The following BRINP2 variants were observed in gnomAD, a reference collection of about 807,000 sequenced individuals.
BRINP2 encodes BMP/retinoic acid inducible neural specific 2.
Under a neutral mutation model 69.2 loss-of-function variants are expected in BRINP2, and 21 were observed. The observed-to-expected ratio is 0.30, with a 90% confidence interval of 0.22 to 0.44. The LOEUF is 0.44. BRINP2 is among the 20% of genes least tolerant of loss of function. The pLI, the probability that BRINP2 is intolerant of heterozygous loss-of-function variation, is 1.00. For missense variants in BRINP2, 877 were observed against 986.0 expected (o/e 0.89, Z 1.48); for synonymous variants, 380 against 394.1 (o/e 0.96, Z 0.42).
chr1:177,266,831 G>C (rs767750795), intron 4 of BRINP2, among the ~76,000 whole-genome samples: 1 of 151,238 alleles, frequency 6.6e-6, no homozygotes, highest in South Asian at 2.1e-4. Context: ...AACTCCCAAG[G>C]TAGTCAAATG....
chr1:177,274,621 A>G (rs912125584), intron 5 of BRINP2, among the ~76,000 whole-genome samples: 4 of 152,154 alleles, frequency 2.6e-5, no homozygotes, highest in African/African-American at 9.7e-5. Context: ...GTTCATTTGG[A>G]ATAGTTTATG....
chr1:177,243,657 A>G (rs1650281124), intron 2 of BRINP2, among the ~76,000 whole-genome samples: 1 of 152,246 alleles, frequency 6.6e-6, no homozygotes, highest in African/African-American at 2.4e-5. Flanking sequence ...AGACAGTATT[A>G]GTCAAAATAG....
chr1:177,252,414 C>A (rs1650611270), intron 2 of BRINP2, among the ~76,000 whole-genome samples: 1 of 151,986 alleles, frequency 6.6e-6, no homozygotes, highest in Non-Finnish European at 1.5e-5. Context: ...TTTATTTATT[C>A]ATGTATTTAT....
chr1:177,214,576 C>T (rs959518598), intron 1 of BRINP2, among the ~76,000 whole-genome samples: 3 of 152,126 alleles, frequency 2.0e-5, no homozygotes, highest in African/African-American at 7.2e-5. Flanking sequence ...ATGCCAAGTA[C>T]CCTTCATTTG....
chr1:177,177,294 AAACAACAACAACAAC>A (rs149219703), intron 1 of BRINP2, among the ~76,000 whole-genome samples: 3 of 151,184 alleles, frequency 2.0e-5, no homozygotes, highest in Non-Finnish European at 4.4e-5. Context: ...ACAAACAAAC[AAACAACAACAACAAC>A]AACAACAACA....
chr1:177,217,568 A>G (rs1192318678), intron 1 of BRINP2, among the ~76,000 whole-genome samples: 2 of 152,128 alleles, frequency 1.3e-5, no homozygotes, highest in East Asian at 1.9e-4. Flanking sequence ...AGTCTTTATA[A>G]TCCTTGTATC....
chr1:177,271,301 G>C (rs1261450281), intron 4 of BRINP2, among the ~76,000 whole-genome samples: 2 of 152,198 alleles, frequency 1.3e-5, no homozygotes, highest in Admixed American at 6.5e-5. Flanking sequence ...TCTGAAGTCA[G>C]TACAATTTGT....
At chr1:177,248,860 A>G (rs763503388) in intron 2 of BRINP2, among the ~76,000 whole-genome samples, 1 of 152,162 alleles carries the variant, frequency 6.6e-6, no homozygotes, top group South Asian at 2.1e-4. Context: ...GTAGCCATTT[A>G]GTATTCTCAT....
At chr1:177,237,879 T>G (rs906125181) in intron 2 of BRINP2, among the ~76,000 whole-genome samples, 1 of 152,168 alleles carries the variant, frequency 6.6e-6, no homozygotes, top group African/African-American at 2.4e-5. Context: ...ATGGTCTTTT[T>G]TTCTCTCTCT....
chr1:177,182,192 C>T (rs900225005), intron 1 of BRINP2, among the ~76,000 whole-genome samples: 5 of 149,888 alleles, frequency 3.3e-5, no homozygotes, highest in African/African-American at 1.2e-4. Flanking sequence ...CTCACTCAGC[C>T]CCTGCAGCAA....
At chr1:177,181,011 C>G (rs1011379644) in intron 1 of BRINP2, among the ~76,000 whole-genome samples, 1 of 152,086 alleles carries the variant, frequency 6.6e-6, no homozygotes, top group Non-Finnish European at 1.5e-5. Context: ...AGAGTATGCA[C>G]TGTAAGATCT....
chr1:177,248,326 C>T (rs1446934446), intron 2 of BRINP2, among the ~76,000 whole-genome samples: 1 of 151,968 alleles, frequency 6.6e-6, no homozygotes, highest in Non-Finnish European at 1.5e-5. Flanking sequence ...CTTTGAGAAT[C>T]ATGTTGATGC....
chr1:177,191,796 C>G (rs11805486), intron 1 of BRINP2, among the ~76,000 whole-genome samples: 4,447 of 152,284 alleles, frequency 0.029, 91 homozygotes, highest in Non-Finnish European at 0.044. Context: ...ATTCATGTGT[C>G]TTTCACCTCG....
rs147592131 is a variant in BRINP2 at position 177,280,979 on chromosome 1, G to C, written c.1803G>C (p.Trp601Cys). The change falls in exon 8 of 8, where the codon TGG (tryptophan) becomes TGC (cysteine). Residue 601 changes from tryptophan (W) to cysteine (C), a missense_variant. Physicochemically the swap from Trp to Cys is radical, Grantham distance 215. Coordinates refer to ENST00000361539, the MANE Select transcript of BRINP2 (RefSeq NM_021165.4). Reference sequence around the variant, plus strand: ...TTGGGGGCAGCCACTCTGAGAGCTGGTTCATGCCTGTGAATGAGGGCAGCT... The same window carrying C: ...TTGGGGGCAGCCACTCTGAGAGCTGCTTCATGCCTGTGAATGAGGGCAGCT... ...NPFGGSHSES[W>C]FMPVNEGSFP... The C allele has an allele frequency of 6.2e-7, 1 of 1,614,080 alleles. No individual in the cohort carries two copies. Among genetic ancestry groups the C allele is most frequent in the African/African-American group, 1.3e-5 (1 of 74,930 alleles).
chr1:177,248,468 TGTGCGTGTGTGTGTGTGTGTGC>T (rs1650463384), intron 2 of BRINP2, among the ~76,000 whole-genome samples: 2 of 150,594 alleles, frequency 1.3e-5, no homozygotes, highest in South Asian at 2.1e-4. Context: ...TGCGTGTGTG[TGTGCGTGTGTGTGTGTGTGTGC>T]GTGCGTGTGT....
intron 7 of BRINP2, 128 bp from the exon 8 acceptor site, chr1:177,280,284 G>T: frequency 1.0e-6 from 1 of 994,582 alleles, no homozygotes; most frequent in East Asian, 2.4e-5. Flanking sequence ...CTGCCACTCA[G>T]AGATCTTGGG....
At chr1:177,197,845 T>A (rs984569614) in intron 1 of BRINP2, among the ~76,000 whole-genome samples, 2 of 152,116 alleles carry the variant, frequency 1.3e-5, no homozygotes, top group Non-Finnish European at 2.9e-5. Flanking sequence ...TATGAGGATG[T>A]GACAAGAATG....
At chr1:177,242,893 TA>T (rs1650251400) in intron 2 of BRINP2, among the ~76,000 whole-genome samples, 3 of 152,206 alleles carry the variant, frequency 2.0e-5, no homozygotes, top group Non-Finnish European at 2.9e-5. Context: ...CTGACTGGGT[TA>T]AATTGCAGTT....
intron 2 of BRINP2, among the ~76,000 whole-genome samples, chr1:177,231,703 G>A (rs939609): frequency 2.3e-4 from 35 of 152,342 alleles, no homozygotes; most frequent in African/African-American, 8.2e-4. Flanking sequence ...GGAAGAGACT[G>A]CAGTTCACAC....
Sources: gnomAD v4.1 joint callset for allele counts (sites outside exome capture counted in the v4.1 genomes callset) on GRCh38, gnomAD v4.1.1 for gene constraint, MANE v1.5 for transcripts, NCBI Gene and HGNC (gene_info 2026-07-23, HGNC 2026-07-21) for gene names.